Variants in PLPPR4 observed in about 807,000 individuals in gnomAD.
PLPPR4 encodes phospholipid phosphatase-related protein type 4.
Under a neutral mutation model 56.6 loss-of-function variants are expected in PLPPR4, and 24 were observed. The observed-to-expected ratio is 0.42, with a 90% CI of 0.31 to 0.60. The LOEUF (loss-of-function observed/expected upper bound fraction) is 0.60. PLPPR4 is among the 20% of genes least tolerant of loss of function. PLPPR4 has a pLI of 0.13. For synonymous variants in PLPPR4, 326 were observed against 328.1 expected (o/e 0.99, Z 0.07); for missense variants, 654 against 885.8 (o/e 0.74, Z 3.32).
rs748422694 is a variant in PLPPR4, at chr1:99,306,939, A to G, written c.2077A>G (p.Ser693Gly). The change falls in exon 7 of 7, where the codon AGC becomes GGC. Residue 693 changes from serine (S) to glycine (G), a missense_variant. This residue lies in a region of PLPPR4 where 468 missense variants were observed against 554.3 expected (regional missense o/e 0.84). Coordinates refer to ENST00000370185, the MANE Select transcript of PLPPR4 (RefSeq NM_014839.5). This position sits in a 1 kb window ranked among gnomAD's most constrained non-coding sequence, Gnocchi z 4.0. ...CAATATCATTCTAATCCCTGAAAGA[A>G]GCAACAGCCCCGAAAACACTAGAAA... ...KGNIILIPER[S>G]NSPENTRNIF... 3 of 1,613,774 alleles carry G rather than the reference A, an allele frequency of 1.9e-6. No individual in the cohort carries two copies. In the Admixed American group the frequency reaches 5.0e-5, roughly 27 times the overall value.
intron 1 of PLPPR4, among the ~76,000 whole-genome samples, chr1:99,282,186 G>A (rs529449149): frequency 6.6e-6 from 1 of 152,188 alleles, no homozygotes; most frequent in South Asian, 2.1e-4. Flanking sequence ...CTATCCCAAG[G>A]AATGACACTA....
intron 2 of PLPPR4, among the ~76,000 whole-genome samples, chr1:99,290,469 G>T (rs1372946986): frequency 6.6e-6 from 1 of 151,336 alleles, no homozygotes; most frequent in African/African-American, 2.4e-5. Flanking sequence ...AACCAAAAAA[G>T]ACCCCAAAGA....
chr1:99,300,795 G>T (rs2100808854), intron 4 of PLPPR4, 114 bp from the exon 5 acceptor site: 1 of 758,760 alleles, frequency 1.3e-6, no homozygotes, highest in Middle Eastern at 2.4e-4. Flanking sequence ...TAAAATTATT[G>T]CTTATTGCCT....
At chr1:99,290,714 T>C (rs189237376) in intron 2 of PLPPR4, among the ~76,000 whole-genome samples, 49 of 152,224 alleles carry the variant, frequency 3.2e-4, no homozygotes, top group Middle Eastern at 6.8e-3. Flanking sequence ...ATTCAATAAA[T>C]GATGCTGGGA....
rs539587794 is a variant in PLPPR4, at chr1:99,283,825, T to G, written c.79-4140T>G. ...AAATTAGCCGGGTGTGGTGGCACGC[T>G]CCTGTAGTCCCAGCTACTCAGGAGA... is the stretch of plus-strand genomic sequence containing the variant. On this transcript the variant is annotated intron_variant, in intron 1 of 6. Coordinates refer to ENST00000370185, the MANE Select transcript of PLPPR4 (RefSeq NM_014839.5). Among the ~76,000 whole-genome samples the G allele has an allele frequency of 5.1e-3, 778 of 152,040 alleles. 1 individual carries two copies. The highest frequency in any genetic ancestry group is 8.0e-3 in the Non-Finnish European group (546 of 67,932).
At position 99,306,298 on chromosome 1, in the gene PLPPR4, G is replaced by A; in HGVS notation, c.1436G>A (p.Arg479His). 6.2e-7 allele frequency: 1 copy of A among 1,614,182 alleles called. No homozygotes were observed. The highest frequency in any genetic ancestry group is 8.5e-7 in the Non-Finnish European group (1 of 1,180,014). ...PGGPRVSIQS[R>H]PGSSQLVHIP... is the part of the protein sequence containing the mutation. ...GGGCCAAGAGTGTCCATTCAGTCCCGTCCTGGGTCCTCACAGTTGGTGCAC... is the reference window on the plus strand; with the variant it reads ...GGGCCAAGAGTGTCCATTCAGTCCCATCCTGGGTCCTCACAGTTGGTGCAC... Residue 479 changes from arginine (R) to histidine (H), a missense_variant, in exon 7 of 7, where the codon CGT becomes CAT. Around this residue, in one of 2 missense-constraint regions of PLPPR4, gnomAD observed 468 missense variants for 554.3 expected, o/e 0.84. Coordinates refer to ENST00000370185, the MANE Select transcript of PLPPR4 (RefSeq NM_014839.5). The surrounding 1 kb of genome is among the most constrained non-coding windows in gnomAD (Gnocchi z 4.0).
chr1:99,306,967 T>C lies in PLPPR4; in HGVS notation c.2105T>C (p.Ile702Thr). ...RSNSPENTRN[I>T]FYKGTSPTRA... ...AACAGCCCCGAAAACACTAGAAATA[T>C]CTTCTACAAAGGAACCTCCCCCACA... is the stretch of plus-strand genomic sequence containing the variant. The change falls in exon 7 of 7, where the codon ATC becomes ACC. Residue 702 changes from isoleucine to threonine, a missense_variant. This residue lies in a region of PLPPR4 where 468 missense variants were observed against 554.3 expected (regional missense o/e 0.84). Transcript: ENST00000370185. This position sits in a 1 kb window ranked among gnomAD's most constrained non-coding sequence, Gnocchi z 4.0. 2 of 1,611,318 alleles carry C rather than the reference T, an allele frequency of 1.2e-6. No individual in the cohort carries two copies. The highest frequency in any genetic ancestry group is 1.7e-6 in the Non-Finnish European group (2 of 1,179,758).
intron 1 of PLPPR4, among the ~76,000 whole-genome samples, chr1:99,267,768 A>G (rs1242756896): frequency 6.6e-6 from 1 of 152,212 alleles, no homozygotes; most frequent in Admixed American, 6.5e-5. Context: ...TTCTAGAAAT[A>G]GTTTGGGCTC....
At chr1:99,301,084 G>T (rs575130615) in intron 5 of PLPPR4, 118 bp downstream of exon 5, 2 of 856,262 alleles carry the variant, frequency 2.3e-6, no homozygotes, top group South Asian at 3.0e-5. Context: ...GGTAAATTTA[G>T]CACTGCAGCC....
intron 1 of PLPPR4, 113 bp downstream of exon 1, chr1:99,264,784 T>C: frequency 8.9e-7 from 1 of 1,119,906 alleles, no homozygotes. Flanking sequence ...CGCGCGGCTG[T>C]CCCCAAATGC....
upstream of PLPPR4, chr1:99,263,944 C>T (rs1343897368): frequency 6.5e-6 from 1 of 153,702 alleles, no homozygotes; most frequent in Non-Finnish European, 1.4e-5. Context: ...GGCAGAGAAT[C>T]CCCCGTAGGA....
At chr1:99,271,226 C>T (rs11166205) in intron 1 of PLPPR4, among the ~76,000 whole-genome samples, 13,280 of 152,208 alleles carry the variant, frequency 0.087, 1,052 homozygotes, top group African/African-American at 0.2. Context: ...AGATACATTA[C>T]TTTTAGTCCT....
At chr1:99,266,677 A>G (rs932440314) in intron 1 of PLPPR4, among the ~76,000 whole-genome samples, 10 of 152,362 alleles carry the variant, frequency 6.6e-5, no homozygotes, top group African/African-American at 2.4e-4. Context: ...TGGAGTTTAA[A>G]TGAGCATTGA....
At position 99,272,294 on chromosome 1, in the gene PLPPR4, T is replaced by C. The variant is rs551099541; in HGVS notation, c.78+7623T>C. ...TTTGAAAAGGTTAACTGAGTTAACC[T>C]TTGGACACATCAAGTATGCCAGCGT... On this transcript the variant is annotated intron_variant, in intron 1 of 6. Coordinates refer to ENST00000370185, the MANE Select transcript of PLPPR4 (RefSeq NM_014839.5). Among the ~76,000 whole-genome samples, 9 of 152,216 alleles carry C rather than the reference T, an allele frequency of 5.9e-5. No homozygotes were observed. The South Asian group carries it at 1.9e-3, about 32-fold the overall frequency.
chr1:99,265,432 C>CA (rs1450507303), intron 1 of PLPPR4, among the ~76,000 whole-genome samples: 4 of 152,154 alleles, frequency 2.6e-5, no homozygotes, highest in South Asian at 2.1e-4. Context: ...TACCAAAATG[C>CA]AGTATTTGAG....
intron 3 of PLPPR4, among the ~76,000 whole-genome samples, chr1:99,298,156 G>A (rs973263017): frequency 6.6e-6 from 1 of 152,116 alleles, no homozygotes; most frequent in East Asian, 1.9e-4. Context: ...TGGAGGCGGT[G>A]ACTGAAGAAT....
rs748074486 is a variant in PLPPR4, at chr1:99,306,541, G to A, written c.1679G>A (p.Arg560His). Residue 560 changes from arginine (R) to histidine (H), a missense_variant, in exon 7 of 7, where the codon CGC (arginine) becomes CAC (histidine). By Grantham distance (29) the Arg-to-His change is conservative (BLOSUM62 0). Around this residue, in one of 2 missense-constraint regions of PLPPR4, gnomAD observed 468 missense variants for 554.3 expected, o/e 0.84. Coordinates refer to ENST00000370185, the MANE Select transcript of PLPPR4 (RefSeq NM_014839.5). The surrounding 1 kb of genome is among the most constrained non-coding windows in gnomAD (Gnocchi z 4.0). ...ACGGTCTCCTGCACTGGCTCCATCC[G>A]CTATAAAACCTTGACAGACCATGAG... ...GSTVSCTGSI[R>H]YKTLTDHEPS... 1.2e-6 allele frequency: 2 copies of A among 1,614,072 alleles called. No individual in the cohort carries two copies. Among genetic ancestry groups the A allele is most frequent in the Non-Finnish European group, 1.7e-6 (2 of 1,180,012 alleles).
At chr1:99,269,057 C>T (rs1451924088) in intron 1 of PLPPR4, among the ~76,000 whole-genome samples, 1 of 152,128 alleles carries the variant, frequency 6.6e-6, no homozygotes, top group Non-Finnish European at 1.5e-5. Context: ...GGTATTTCTC[C>T]TAATACTATC....
chr1:99,282,436 T>G (rs1659353274), intron 1 of PLPPR4, among the ~76,000 whole-genome samples: 1 of 152,162 alleles, frequency 6.6e-6, no homozygotes. Context: ...GTTTTCTCTG[T>G]TTGGTTTACT....
Sources: gnomAD v4.1 joint callset for allele counts (sites outside exome capture counted in the v4.1 genomes callset) on GRCh38, gnomAD v4.1.1 for gene constraint, gnomAD v4.1.1 regional missense constraint, Gnocchi (gnomAD v3.1) non-coding constraint, MANE v1.5 for transcripts, NCBI Gene and HGNC (gene_info 2026-07-23, HGNC 2026-07-21) for gene names.